The following NID1 variants were observed in gnomAD, a reference collection of about 807,000 sequenced individuals.
NID1 encodes nidogen 1.
A neutral mutation model predicts 130.6 loss-of-function variants in NID1; 76 were observed. That is an observed-to-expected ratio of 0.58 (90% CI 0.48 to 0.70). NID1 has a LOEUF of 0.70. NID1 is among the 30% of genes least tolerant of loss of function. The pLI, the probability that NID1 is intolerant of heterozygous loss-of-function variation, is 0.00. For synonymous variants in NID1, 665 were observed against 675.1 expected (o/e 0.98, Z 0.23); for missense variants, 1,517 against 1,664.8 (o/e 0.91, Z 1.54).
At chr1:236,060,926 T>C (rs2102854161) in intron 1 of NID1, among the ~76,000 whole-genome samples, 1 of 152,278 alleles carries the variant, frequency 6.6e-6, no homozygotes, top group East Asian at 1.9e-4. Context: ...AATATAGATA[T>C]CAGAAGTTTA....
intron 12 of NID1, among the ~76,000 whole-genome samples, chr1:236,007,192 G>A (rs890410093): frequency 9.9e-5 from 15 of 152,220 alleles, no homozygotes; most frequent in African/African-American, 3.6e-4. Context: ...TAAATGCCAT[G>A]CCTAGAAGTT....
intron 6 of NID1, among the ~76,000 whole-genome samples, chr1:236,030,127 T>C (rs1659053740): frequency 6.6e-6 from 1 of 152,210 alleles, no homozygotes; most frequent in African/African-American, 2.4e-5. Context: ...GGATACAATC[T>C]ATGTTCTGCA....
At position 235,979,690 on chromosome 1, in the gene NID1, G is replaced by C. The variant is rs1657374788; in HGVS notation, c.3509+132C>G. On this transcript the variant is annotated intron_variant, in intron 18 of 19. Transcript: ENST00000264187. The surrounding 1 kb of genome is among the most constrained non-coding windows in gnomAD (Gnocchi z 4.6). ...ACAACCAGAAGGATAAGGGAGAGGGGACATCTCTAGAGGGGGCATTTCTGG... is the reference window on the plus strand; with the variant it reads ...ACAACCAGAAGGATAAGGGAGAGGGCACATCTCTAGAGGGGGCATTTCTGG... 1 of 897,916 alleles carries C rather than the reference G, an allele frequency of 1.1e-6. No individual in the cohort carries two copies. Among genetic ancestry groups the C allele is most frequent in the African/African-American group, 1.7e-5 (1 of 60,530 alleles). 55.6% of individuals were successfully genotyped at this position (897,916 alleles called of 1,614,324 possible).
intron 12 of NID1, among the ~76,000 whole-genome samples, chr1:236,010,681 A>G (rs962230198): frequency 1.3e-5 from 2 of 152,258 alleles, no homozygotes; most frequent in Admixed American, 1.3e-4. Context: ...GAAAGCAGCC[A>G]TAGACTATAC....
Position 236,045,678 on chromosome 1 carries a change from G to A in NID1, c.531C>T (p.Asn177=), listed in dbSNP as rs777202055. 1.9e-6 allele frequency: 3 copies of A among 1,609,088 alleles called. No homozygotes were observed. Among genetic ancestry groups the A allele is most frequent in the Non-Finnish European group, 2.5e-6 (3 of 1,177,568 alleles). The part of the protein sequence containing the change: ...SRDPDQKGKR[N]TFQAVLASSD... ...AGGAGGCTAGAACAGCCTGGAACGT[G>A]TTTCTCTGTGAAGATGAGTTAAAAT... The change falls in exon 3 of 20, where the codon AAC becomes AAT. Residue 177 remains asparagine, a synonymous_variant. Coordinates refer to ENST00000264187, the MANE Select transcript of NID1 (RefSeq NM_002508.3).
At chr1:235,985,881 T>C (rs1031366359) in intron 14 of NID1, among the ~76,000 whole-genome samples, 13 of 152,052 alleles carry the variant, frequency 8.5e-5, no homozygotes, top group African/African-American at 1.4e-4. Flanking sequence ...GCCCTCAGAC[T>C]CTCAAGTAGC....
chr1:236,027,626 C>G (rs948248834), intron 7 of NID1, among the ~76,000 whole-genome samples: 1 of 152,110 alleles, frequency 6.6e-6, no homozygotes, highest in Non-Finnish European at 1.5e-5. Flanking sequence ...GTCAGGAGTT[C>G]GAGACCAGCC....
At chr1:236,042,336 C>T (rs1659478932) in intron 3 of NID1, 44 bp from the exon 4 acceptor site, 2 of 1,567,420 alleles carry the variant, frequency 1.3e-6, no homozygotes, top group Non-Finnish European at 1.7e-6. Flanking sequence ...CAGCAACCCA[C>T]CAACAGCCAC....
chr1:236,037,969 A>ACTG, intron 5 of NID1, 135 bp downstream of exon 5: 1 of 1,012,026 alleles, frequency 9.9e-7, no homozygotes, highest in Middle Eastern at 2.2e-4. Context: ...GGAAAGAGAG[A>ACTG]CCATGTATGG....
chr1:235,981,007 C>A (rs1048790175), intron 16 of NID1, among the ~76,000 whole-genome samples: 1 of 152,176 alleles, frequency 6.6e-6, no homozygotes, highest in Non-Finnish European at 1.5e-5. Flanking sequence ...GCACAGCAGA[C>A]CCAGGGGACC....
chr1:235,983,937 C>T (rs370994856), intron 15 of NID1, among the ~76,000 whole-genome samples: 2 of 151,716 alleles, frequency 1.3e-5, no homozygotes, highest in Non-Finnish European at 2.9e-5. Context: ...TAGGGAAGCA[C>T]CAACCTGTAC....
chr1:236,046,902 C>T (rs545722315), intron 2 of NID1, among the ~76,000 whole-genome samples: 2 of 152,058 alleles, frequency 1.3e-5, no homozygotes, highest in African/African-American at 2.4e-5. Flanking sequence ...TTTTTTGGAG[C>T]GGGGGAAGGG....
At chr1:236,006,848 A>T (rs550569883) in intron 12 of NID1, among the ~76,000 whole-genome samples, 59 of 152,216 alleles carry the variant, frequency 3.9e-4, no homozygotes, top group Middle Eastern at 3.4e-3. Context: ...GCTTGCATCT[A>T]TGTTTTATTT....
rs889648722 is a variant in NID1, at chr1:236,024,107, G to A, written c.2091C>T (p.Cys697=). The A allele has an allele frequency of 3.7e-6, 6 of 1,614,234 alleles. No individual in the cohort carries two copies. The African/African-American group carries it at 4.0e-5, about 11-fold the overall frequency. ...PGPRTQFTCE[C]SIGFRGDGRT... ...GCCCGTCTCCTCGGAAGCCGATGGA[G>A]CACTCGCAGGTGAACTGTGTCCTGG... The change falls in exon 9 of 20, where the codon TGC becomes TGT. Residue 697 remains cysteine, a synonymous_variant. Transcript: ENST00000264187.
At chr1:236,000,733 A>C (rs1658052034) in intron 12 of NID1, among the ~76,000 whole-genome samples, 1 of 152,238 alleles carries the variant, frequency 6.6e-6, no homozygotes, top group Non-Finnish European at 1.5e-5. Flanking sequence ...AAGAAAGTAC[A>C]TTCTTGACCT....
At chr1:236,014,239 C>T (rs1418829804) in intron 10 of NID1, among the ~76,000 whole-genome samples, 1 of 139,022 alleles carries the variant, frequency 7.2e-6, no homozygotes, top group African/African-American at 2.6e-5. Flanking sequence ...CTCTCTTTCT[C>T]TGTCTGTCTG....
chr1:236,061,874 A>C (rs1282257371), intron 1 of NID1, among the ~76,000 whole-genome samples: 1 of 152,202 alleles, frequency 6.6e-6, no homozygotes, highest in African/African-American at 2.4e-5. Flanking sequence ...GATTCACAAC[A>C]CAGCACTTCA....
Position 236,045,341 on chromosome 1 carries a change from T to C in NID1, c.752+116A>G, listed in dbSNP as rs1659569422. 1.3e-5 allele frequency: 9 copies of C among 674,724 alleles called. No homozygotes were observed. In the South Asian group the frequency reaches 1.8e-4, roughly 14 times the overall value. 41.8% of individuals were successfully genotyped at this position (674,724 alleles called of 1,614,324 possible). On this transcript the variant is annotated intron_variant, in intron 3 of 19. Coordinates refer to ENST00000264187, the MANE Select transcript of NID1 (RefSeq NM_002508.3). Reference sequence around the variant, plus strand: ...AGAGTATCTCATAATATAAAAACTATATGCAAAACTTAAATCCATAGGAAC... The same window carrying C: ...AGAGTATCTCATAATATAAAAACTACATGCAAAACTTAAATCCATAGGAAC...
intron 1 of NID1, among the ~76,000 whole-genome samples, chr1:236,060,444 A>C (rs981800570): frequency 6.6e-6 from 1 of 152,146 alleles, no homozygotes; most frequent in African/African-American, 2.4e-5. Context: ...CCTTTGACTT[A>C]GAATGCCTTA....
Sources: gnomAD v4.1 joint callset for allele counts (sites outside exome capture counted in the v4.1 genomes callset) on GRCh38, gnomAD v4.1.1 for gene constraint, Gnocchi (gnomAD v3.1) non-coding constraint, MANE v1.5 for transcripts, NCBI Gene and HGNC (gene_info 2026-07-23, HGNC 2026-07-21) for gene names.